AIG1: variants seen among roughly 807,000 people sequenced by gnomAD.
AIG1 encodes androgen induced 1, also known as androgen-induced gene 1 protein.
AIG1 carries 23 observed loss-of-function variants against 31.4 expected under a neutral mutation model. The ratio of observed to expected loss-of-function variants is 0.73; its 90% CI spans 0.53 to 1.04. The LOEUF (loss-of-function observed/expected upper bound fraction) is 1.04, where lower values mean the gene tolerates loss of function less well. AIG1 is among the 50% of genes least tolerant of loss of function. The pLI is 0.00. For synonymous variants in AIG1, 100 were observed against 110.5 expected (o/e 0.90, Z 0.60); for missense variants, 274 against 295.0 (o/e 0.93, Z 0.52).
At chr6:143,066,415 G>A (rs1583046371) in intron 1 of AIG1, among the ~76,000 whole-genome samples, 1 of 151,996 alleles carries the variant, frequency 6.6e-6, no homozygotes. Flanking sequence ...TGGGATTACA[G>A]GCACCTGCCA....
intron 3 of AIG1, among the ~76,000 whole-genome samples, chr6:143,247,825 T>C (rs529801826): frequency 1.3e-5 from 2 of 152,348 alleles, no homozygotes; most frequent in African/African-American, 4.8e-5. Context: ...TCATTGACTC[T>C]GCTGAAATCA....
chr6:143,088,446 A>G (rs1392267339), intron 1 of AIG1, among the ~76,000 whole-genome samples: 1 of 152,236 alleles, frequency 6.6e-6, no homozygotes, highest in Non-Finnish European at 1.5e-5. Flanking sequence ...TGGTGCACTC[A>G]AAGTGGGTAA....
rs578080905 is a variant in AIG1 at position 143,334,085 on chromosome 6, A to T, written c.679+640A>T. 5 of 1,550,514 alleles carry T rather than the reference A, an allele frequency of 3.2e-6. No homozygotes were observed. In the Admixed American group the frequency reaches 7.8e-5, roughly 24 times the overall value. ...TGTTTCCATTTATGGCAGAGCCTCC[A>T]TCTTGGCAAGGCACGTAATCTTATC... On this transcript the variant is annotated intron_variant, in intron 5 of 5. Coordinates refer to ENST00000357847, the MANE Select transcript of AIG1 (RefSeq NM_016108.4). This position sits in a 1 kb window ranked among gnomAD's most constrained non-coding sequence, Gnocchi z 5.1.
At chr6:143,242,668 A>G (rs1025025947) in intron 3 of AIG1, among the ~76,000 whole-genome samples, 3 of 152,248 alleles carry the variant, frequency 2.0e-5, no homozygotes, top group African/African-American at 7.2e-5. Flanking sequence ...CTAAATCCAT[A>G]TGCTGAGTCA....
chr6:143,237,005 A>G (rs1253341630), intron 3 of AIG1, among the ~76,000 whole-genome samples: 9 of 152,182 alleles, frequency 5.9e-5, no homozygotes, highest in Non-Finnish European at 1.0e-4. Context: ...CATGTAAGGA[A>G]ATTGGGGCTC....
At chr6:143,140,214 A>G (rs1364454210) in intron 2 of AIG1, among the ~76,000 whole-genome samples, 1 of 152,202 alleles carries the variant, frequency 6.6e-6, no homozygotes, top group African/African-American at 2.4e-5. Flanking sequence ...ACTCGCCCCC[A>G]TGATTCAATT....
At chr6:143,311,592 T>A (rs1369562064) in intron 4 of AIG1, among the ~76,000 whole-genome samples, 1 of 151,820 alleles carries the variant, frequency 6.6e-6, no homozygotes, top group East Asian at 1.9e-4. Flanking sequence ...AAGAAGAATT[T>A]GATAAAATCC....
intron 5 of AIG1, 96 bp from the exon 6 acceptor site, chr6:143,339,543 T>C (rs1777756929): frequency 8.0e-7 from 1 of 1,255,810 alleles, no homozygotes; most frequent in Admixed American, 1.9e-5. Flanking sequence ...TGAGGGCAGA[T>C]GAGTGGATGT....
intron 3 of AIG1, among the ~76,000 whole-genome samples, chr6:143,265,519 C>T (rs918123251): frequency 3.9e-5 from 6 of 152,214 alleles, no homozygotes; most frequent in South Asian, 2.1e-4. Context: ...AGCTGCCTGG[C>T]GGTCCTCAAC....
chr6:143,308,558 C>T (rs1416603569), intron 4 of AIG1, among the ~76,000 whole-genome samples: 3 of 152,154 alleles, frequency 2.0e-5, no homozygotes, highest in Admixed American at 6.5e-5. Context: ...TTCATAGCAG[C>T]ATGTGGGGGC....
At chr6:143,311,750 C>T (rs749182668) in intron 4 of AIG1, among the ~76,000 whole-genome samples, 8 of 151,840 alleles carry the variant, frequency 5.3e-5, no homozygotes, top group Non-Finnish European at 1.2e-4. Flanking sequence ...AAATAGAGAG[C>T]ATCCAAAATG....
intron 1 of AIG1, among the ~76,000 whole-genome samples, chr6:143,090,805 G>A (rs1779235390): frequency 6.6e-6 from 1 of 152,158 alleles, no homozygotes; most frequent in African/African-American, 2.4e-5. Context: ...GAAGGTTGGG[G>A]TGACTGGCAG....
intron 3 of AIG1, among the ~76,000 whole-genome samples, chr6:143,182,116 CT>C (rs1358220816): frequency 6.6e-6 from 1 of 152,098 alleles, no homozygotes; most frequent in East Asian, 1.9e-4. Flanking sequence ...ACCTCAAACT[CT>C]TAGTCTTAAG....
intron 2 of AIG1, among the ~76,000 whole-genome samples, chr6:143,164,210 T>G (rs936620590): frequency 2.0e-5 from 3 of 152,242 alleles, no homozygotes; most frequent in Non-Finnish European, 2.9e-5. Flanking sequence ...CTACAGAGAC[T>G]TTTATCTCTT....
intron 3 of AIG1, chr6:143,189,718 C>T (rs1298642097): frequency 1.0e-6 from 1 of 985,174 alleles, no homozygotes; most frequent in African/African-American, 1.7e-5. Context: ...ACACAATTTC[C>T]CTCAAAACCC....
rs966181262 is a variant in AIG1 at position 143,280,336 on chromosome 6, A to C, written c.400-3774A>C. On this transcript the variant is annotated intron_variant, in intron 3 of 5. Coordinates refer to ENST00000357847, the MANE Select transcript of AIG1 (RefSeq NM_016108.4). This position sits in a 1 kb window ranked among gnomAD's most constrained non-coding sequence, Gnocchi z 4.1. The stretch of plus-strand genomic sequence containing the variant: ...GACGATTCCTCAAAGAGCTAAAAGT[A>C]GAACTACCATTAGACCCAGCAATCC... Among the ~76,000 whole-genome samples the C allele has an allele frequency of 1.3e-5, 2 of 152,260 alleles. No individual in the cohort carries two copies. Among genetic ancestry groups the C allele is most frequent in the Non-Finnish European group, 2.9e-5 (2 of 68,050 alleles).
intron 4 of AIG1, among the ~76,000 whole-genome samples, chr6:143,306,353 G>C (rs1799305339): frequency 6.6e-6 from 1 of 152,198 alleles, no homozygotes; most frequent in African/African-American, 2.4e-5. Context: ...TGATTTTTCA[G>C]TGGCTGGTAC....
chr6:143,304,677 C>G (rs1799113656), intron 4 of AIG1, among the ~76,000 whole-genome samples: 1 of 151,030 alleles, frequency 6.6e-6, no homozygotes, highest in Non-Finnish European at 1.5e-5. Context: ...GGATATTGAT[C>G]TAAAATTCTC....
chr6:143,204,430 C>T (rs1410167650), intron 3 of AIG1, among the ~76,000 whole-genome samples: 2 of 152,090 alleles, frequency 1.3e-5, no homozygotes, highest in African/African-American at 4.8e-5. Context: ...AGCAGTACTC[C>T]AGGAGGTGAA....
Sources: gnomAD v4.1 joint callset for allele counts (sites outside exome capture counted in the v4.1 genomes callset) on GRCh38, gnomAD v4.1.1 for gene constraint, Gnocchi (gnomAD v3.1) non-coding constraint, MANE v1.5 for transcripts, NCBI Gene and HGNC (gene_info 2026-07-23, HGNC 2026-07-21) for gene names.